Variants in LMAN1 observed in about 807,000 individuals in gnomAD.
LMAN1 encodes the protein lectin, mannose binding 1.
In LMAN1, 32 loss-of-function variants were observed where a neutral mutation model predicts 67.8. That is an observed-to-expected ratio of 0.47 (90% CI 0.36 to 0.63). The LOEUF is 0.63. Ranked by LOEUF, LMAN1 falls within the 30% of genes least tolerant of loss-of-function variation. The pLI is 0.00. For synonymous variants in LMAN1, 235 were observed against 219.3 expected (o/e 1.07, Z -0.63); for missense variants, 632 against 628.2 (o/e 1.01, Z -0.06).
intron 10 of LMAN1, 146 bp from the exon 11 acceptor site, chr18:59,333,390 T>A: frequency 1.5e-6 from 1 of 650,818 alleles, no homozygotes; most frequent in Non-Finnish European, 2.6e-6. Context: ...AAAATCGAGT[T>A]GTGTTCAAAA....
Position 59,353,249 on chromosome 18 carries a change from G to A in LMAN1, c.592C>T (p.Pro198Ser), listed in dbSNP as rs372387855. ...GTAATCTTTGCTCGGACAGGATAGG[G>A]TTTGTTGCGGAAGTCCCTCTGGCAA... ...ASCQRDFRNK[P>S]YPVRAKITYY... is the part of the protein sequence containing the mutation. The change falls in exon 5 of 13, where the codon CCC (proline) becomes TCC (serine). Residue 198 changes from proline (P) to serine (S), a missense_variant. Physicochemically the swap from Pro to Ser is moderately conservative, Grantham distance 74. Transcript: ENST00000251047. The A allele has an allele frequency of 6.2e-6, 10 of 1,614,134 alleles. No homozygotes were observed. The highest frequency in any genetic ancestry group is 7.6e-6 in the Non-Finnish European group (9 of 1,179,998).
At position 59,349,152 on chromosome 18, in the gene LMAN1, C is replaced by A; in HGVS notation, c.724G>T (p.Gly242Trp). ...GTTGCAGCAGATATTCCAAAATGCCCTTGTGCAGGGATAATCATATTTTCC... is the reference window on the plus strand; with the variant it reads ...GTTGCAGCAGATATTCCAAAATGCCATTGTGCAGGGATAATCATATTTTCC... The part of the protein sequence containing the change: ...KVENMIIPAQ[G>W]HFGISAATGG... Residue 242 changes from glycine (G) to tryptophan (W), a missense_variant, in exon 6 of 13, where the codon GGG (glycine) becomes TGG (tryptophan). Gly to Trp is a radical substitution (Grantham distance 184). Transcript: ENST00000251047. The A allele has an allele frequency of 6.2e-7, 1 of 1,614,102 alleles. No individual in the cohort carries two copies. Among genetic ancestry groups the A allele is most frequent in the Non-Finnish European group, 8.5e-7 (1 of 1,179,966 alleles).
Position 59,354,590 on chromosome 18 carries a change from A to T in LMAN1, c.478-10T>A. The T allele has an allele frequency of 7.5e-7, 1 of 1,325,630 alleles. No individual in the cohort carries two copies. The highest frequency in any genetic ancestry group is 1.1e-6 in the Non-Finnish European group (1 of 921,178). 82.1% of individuals were successfully genotyped at this position (1,325,630 alleles called of 1,614,324 possible). ...TAGCAGGATTATTTTTCTAAAAAAA[A>T]GGAAAACATTTTAAAAAATGTCTTT... On this transcript the variant is annotated splice_polypyrimidine_tract_variant and intron_variant, in intron 3 of 12. Transcript: ENST00000251047.
intron 6 of LMAN1, 127 bp downstream of exon 6, chr18:59,348,986 G>C: frequency 1.8e-6 from 2 of 1,082,720 alleles, no homozygotes; most frequent in Non-Finnish European, 2.8e-6. Context: ...TGGCACAAGA[G>C]GTGATGGGAA....
chr18:59,355,236 A>ATAAGCT lies in LMAN1; in HGVS notation c.477+71_477+76dup, dbSNP rs956062705. 4.7e-6 allele frequency: 5 copies of ATAAGCT among 1,074,716 alleles called. No individual in the cohort carries two copies. In the African/African-American group the frequency reaches 7.9e-5, roughly 17 times the overall value. The allele number at this position is 1,074,716 out of a possible 1,614,324, so 66.6% of individuals were successfully genotyped here. A position where few individuals can be genotyped will look rare whatever the true frequency, so the allele number is the denominator to read the frequency against. On this transcript the variant is annotated intron_variant, in intron 3 of 12. Transcript: ENST00000251047. Reference sequence around the variant, plus strand: ...ACTATCAAACTGATGAAAGCATTGAATAAGCTATTATTTCTCACAGCCTAA... The same window carrying ATAAGCT: ...ACTATCAAACTGATGAAAGCATTGAATAAGCTTAAGCTATTATTTCTCACAGCCTAA...
At chr18:59,344,708 A>G (rs926392519) in intron 8 of LMAN1, among the ~76,000 whole-genome samples, 2 of 152,030 alleles carry the variant, frequency 1.3e-5, no homozygotes, top group Admixed American at 1.3e-4. Context: ...CAGGTTCATT[A>G]GGGTGAGAGT....
chr18:59,338,892 A>G lies in LMAN1; in HGVS notation c.1017T>C (p.Asn339=). ...GCTGCTTGATTTCAAGATGAATACG[A>G]TTCTGTCCTTCAAAGACTTGTCTTA... ...RELRQVFEGQ[N]RIHLEIKQLN... Residue 339 remains asparagine, a synonymous_variant, in exon 9 of 13, where the codon AAT becomes AAC. Transcript: ENST00000251047. The G allele has an allele frequency of 6.2e-7, 1 of 1,613,680 alleles. No homozygotes were observed. Among genetic ancestry groups the G allele is most frequent in the Non-Finnish European group, 8.5e-7 (1 of 1,179,928 alleles).
At chr18:59,336,035 G>A (rs1392743140) in intron 10 of LMAN1, among the ~76,000 whole-genome samples, 4 of 152,166 alleles carry the variant, frequency 2.6e-5, no homozygotes, top group Admixed American at 6.5e-5. Flanking sequence ...AATTAACTCT[G>A]TAGTGTTCAG....
In LMAN1 at chr18:59,331,083, A is replaced by AAAAT; in HGVS notation, c.*6_*9dup. On this transcript the variant is annotated 3_prime_UTR_variant, in exon 13 of 13. Transcript: ENST00000251047. ...TACACAAATAGATGAAGTACACAGG[A>AAAAT]AAATGGTAGTCAAAAGAATTTTTTG... The AAAAT allele has an allele frequency of 6.2e-7, 1 of 1,600,248 alleles. No individual in the cohort carries two copies. Among genetic ancestry groups the AAAAT allele is most frequent in the South Asian group, 1.1e-5 (1 of 90,552 alleles).
intron 6 of LMAN1, among the ~76,000 whole-genome samples, chr18:59,347,938 A>C (rs1908456429): frequency 6.6e-6 from 1 of 152,224 alleles, no homozygotes; most frequent in African/African-American, 2.4e-5. Context: ...GTTTCCCACA[A>C]ATCTCCTTCA....
chr18:59,357,133 G>A (rs905315152), intron 1 of LMAN1, among the ~76,000 whole-genome samples: 8 of 152,178 alleles, frequency 5.3e-5, no homozygotes, highest in African/African-American at 1.9e-4. Flanking sequence ...ATGAAAGCAA[G>A]GGATGTCTAT....
chr18:59,347,592 AGTCTG>A, intron 6 of LMAN1, 21 bp from the exon 7 acceptor site: 3 of 1,476,768 alleles, frequency 2.0e-6, no homozygotes, highest in Non-Finnish European at 2.8e-6. Flanking sequence ...AAAAAAAAAA[AGTCTG>A]AAAAAGTTCC....
At chr18:59,335,756 A>T (rs928651055) in intron 10 of LMAN1, among the ~76,000 whole-genome samples, 1 of 152,154 alleles carries the variant, frequency 6.6e-6, no homozygotes, top group Non-Finnish European at 1.5e-5. Context: ...AAGAGTAGGG[A>T]AAAAGAGAAC....
chr18:59,355,203 A>C, intron 3 of LMAN1, 110 bp downstream of exon 3: 1 of 798,868 alleles, frequency 1.3e-6, no homozygotes, highest in Non-Finnish European at 2.2e-6. Flanking sequence ...TAGCTTGGGG[A>C]GTTCTGTACT....
In LMAN1 at chr18:59,345,929, T is replaced by A. The variant is rs199918904; in HGVS notation, c.945A>T (p.Gln315His). The A allele has an allele frequency of 2.2e-5, 35 of 1,614,032 alleles. No individual in the cohort carries two copies. The Admixed American group carries it at 4.7e-4, about 22-fold the overall frequency. ...TTTGCTACAACTCACCAGGCTGCCC[T>A]TGGAGGTCGGGGTGGCCCTTCTGGA... is the stretch of plus-strand genomic sequence containing the variant. ...EEFQKGHPDL[Q>H]GQPAEEIFES... The change falls in exon 8 of 13, where the codon CAA (glutamine) becomes CAT (histidine). Residue 315 changes from glutamine to histidine, a missense_variant. Gln to His is a conservative substitution (Grantham distance 24, BLOSUM62 0). Coordinates refer to ENST00000251047, the MANE Select transcript of LMAN1 (RefSeq NM_005570.4).
intron 11 of LMAN1, 56 bp downstream of exon 11, chr18:59,333,035 T>C (rs763838619): frequency 2.8e-5 from 40 of 1,408,918 alleles, no homozygotes; most frequent in Non-Finnish European, 3.9e-5. Context: ...CAGTAGAGTA[T>C]GAGTTCTTCC....
intron 4 of LMAN1, among the ~76,000 whole-genome samples, chr18:59,353,868 G>A (rs1395221276): frequency 6.6e-6 from 1 of 152,134 alleles, no homozygotes; most frequent in Non-Finnish European, 1.5e-5. Flanking sequence ...CATATAACGT[G>A]TACATATCCT....
Position 59,329,757 on chromosome 18 carries a change from G to A in LMAN1, c.*1336C>T, listed in dbSNP as rs1427110677. The A allele has an allele frequency of 6.6e-6, 1 of 152,044 alleles. No individual in the cohort carries two copies. The highest frequency in any genetic ancestry group is 2.4e-5 in the African/African-American group (1 of 41,400). The allele number at this position is 152,044 out of a possible 1,614,324, so 9.4% of individuals were successfully genotyped here. On this transcript the variant is annotated 3_prime_UTR_variant, in exon 13 of 13. Coordinates refer to ENST00000251047, the MANE Select transcript of LMAN1 (RefSeq NM_005570.4). ...AAATGACATTTGAGAGCAAACCTAG[G>A]GAGGCTTGGAATAATTCAACAGTAC...
chr18:59,333,285 A>AT, intron 10 of LMAN1, 41 bp from the exon 11 acceptor site: 4 of 1,567,336 alleles, frequency 2.6e-6, no homozygotes, highest in East Asian at 2.3e-5. Context: ...ATCACTATAA[A>AT]GTTTTTTTTT....
Sources: gnomAD v4.1 joint callset for allele counts (sites outside exome capture counted in the v4.1 genomes callset) on GRCh38, gnomAD v4.1.1 for gene constraint, MANE v1.5 for transcripts, NCBI Gene and HGNC (gene_info 2026-07-23, HGNC 2026-07-21) for gene names.